ERC2: variants seen among roughly 807,000 people sequenced by gnomAD.
The protein encoded by ERC2 is ERC protein 2.
Under a neutral mutation model 114.8 loss-of-function variants are expected in ERC2, and 42 were observed. That is an observed-to-expected ratio of 0.37 (90% CI 0.29 to 0.47). The LOEUF is 0.47. Ranked by LOEUF, ERC2 falls within the 20% of genes least tolerant of loss-of-function variation. The probability of loss-of-function intolerance (pLI) is 0.99; values close to 1 mark genes in which losing one functional copy is unlikely to be tolerated. For synonymous variants in ERC2, 454 were observed against 425.5 expected (o/e 1.07, Z -0.82); for missense variants, 939 against 1,150.7 (o/e 0.82, Z 2.66).
chr3:55,726,167 G>C (rs1262210088), intron 15 of ERC2, among the ~76,000 whole-genome samples: 1 of 152,178 alleles, frequency 6.6e-6, no homozygotes, highest in Non-Finnish European at 1.5e-5. Context: ...ACCCAAAGTG[G>C]GTCTGCTGTA....
chr3:56,170,878 C>T (rs182964888), intron 4 of ERC2, among the ~76,000 whole-genome samples: 117 of 151,362 alleles, frequency 7.7e-4, no homozygotes, highest in African/African-American at 2.7e-3. Context: ...CATTGTCCTG[C>T]CTCAGCCTCC....
At chr3:56,386,748 A>G (rs2059947533) in intron 2 of ERC2, among the ~76,000 whole-genome samples, 1 of 152,156 alleles carries the variant, frequency 6.6e-6, no homozygotes, top group Non-Finnish European at 1.5e-5. Context: ...CACTACTGCT[A>G]CTGAAAATGA....
At chr3:56,093,472 T>TATAA (rs2077898683) in intron 6 of ERC2, among the ~76,000 whole-genome samples, 1 of 152,056 alleles carries the variant, frequency 6.6e-6, no homozygotes, top group South Asian at 2.1e-4. Context: ...TCATCAGCAC[T>TATAA]ATAAATAAAA....
At chr3:55,813,331 T>C (rs552988081) in intron 14 of ERC2, among the ~76,000 whole-genome samples, 10 of 152,314 alleles carry the variant, frequency 6.6e-5, no homozygotes, top group African/African-American at 2.2e-4. Context: ...ACCAGCCATA[T>C]TGCAAGCACT....
intron 13 of ERC2, among the ~76,000 whole-genome samples, chr3:55,938,572 C>T (rs2066594351): frequency 6.6e-6 from 1 of 152,236 alleles, no homozygotes; most frequent in Non-Finnish European, 1.5e-5. Context: ...TCAGAAATCA[C>T]AGGCCCATGT....
At chr3:56,361,307 C>T (rs1340961302) in intron 2 of ERC2, among the ~76,000 whole-genome samples, 2 of 152,080 alleles carry the variant, frequency 1.3e-5, no homozygotes, top group African/African-American at 4.8e-5. Context: ...CCAAGTCTGA[C>T]ATGAAACATG....
chr3:55,599,528 T>G (rs1211349044), intron 17 of ERC2, among the ~76,000 whole-genome samples: 3 of 152,218 alleles, frequency 2.0e-5, no homozygotes, highest in African/African-American at 7.2e-5. Flanking sequence ...GTGTGTGTGT[T>G]TGTGTTTTTG....
At chr3:55,771,558 T>G (rs1559629041) in intron 14 of ERC2, among the ~76,000 whole-genome samples, 1 of 152,188 alleles carries the variant, frequency 6.6e-6, no homozygotes, top group African/African-American at 2.4e-5. Context: ...TTGTGACTTG[T>G]TCGTGGTGGA....
intron 17 of ERC2, among the ~76,000 whole-genome samples, chr3:55,561,339 C>G (rs1174733578): frequency 6.6e-6 from 1 of 152,000 alleles, no homozygotes; most frequent in African/African-American, 2.4e-5. Context: ...GTTTTCATAT[C>G]TACTTTTTGG....
chr3:56,347,898 T>C (rs143065466), intron 2 of ERC2, among the ~76,000 whole-genome samples: 50 of 152,308 alleles, frequency 3.3e-4, no homozygotes, highest in African/African-American at 1.2e-3. Flanking sequence ...TAATTTTAAA[T>C]ATTAAATGCT....
intron 14 of ERC2, among the ~76,000 whole-genome samples, chr3:55,832,442 C>G (rs908762517): frequency 2.0e-5 from 3 of 152,238 alleles, no homozygotes; most frequent in African/African-American, 7.2e-5. Context: ...GCAGCATTCA[C>G]GGTTCACGAA....
intron 17 of ERC2, among the ~76,000 whole-genome samples, chr3:55,564,729 A>C (rs61412919): frequency 0.012 from 1,781 of 152,334 alleles, 34 homozygotes; most frequent in African/African-American, 0.04. Flanking sequence ...AGAAGTGTCC[A>C]CAGAAAGACC....
intron 4 of ERC2, among the ~76,000 whole-genome samples, chr3:56,170,601 T>TG (rs747777983): frequency 0.013 from 1,810 of 143,576 alleles, 81 homozygotes; most frequent in East Asian, 0.03. Context: ...TTTTTTTTTT[T>TG]TTTTTTTTTT....
At chr3:56,114,538 AG>A (rs1045658755) in intron 6 of ERC2, among the ~76,000 whole-genome samples, 3 of 152,256 alleles carry the variant, frequency 2.0e-5, no homozygotes, top group Admixed American at 1.3e-4. Context: ...TTTAGCCAAG[AG>A]GGGGTTCCAT....
chr3:55,866,287 A>G (rs1188868781), intron 14 of ERC2, among the ~76,000 whole-genome samples: 1 of 152,168 alleles, frequency 6.6e-6, no homozygotes, highest in African/African-American at 2.4e-5. Flanking sequence ...TCCCTTGCCC[A>G]TTATAAAATA....
intron 14 of ERC2, among the ~76,000 whole-genome samples, chr3:55,832,281 C>G (rs1011951632): frequency 7.2e-5 from 11 of 152,236 alleles, no homozygotes; most frequent in African/African-American, 2.7e-4. Context: ...AGCTGGAGAT[C>G]TGAGAACAGG....
chr3:56,345,570 A>G (rs2058273316), intron 2 of ERC2, among the ~76,000 whole-genome samples: 1 of 152,238 alleles, frequency 6.6e-6, no homozygotes, highest in East Asian at 1.9e-4. Flanking sequence ...TGCCTACTTC[A>G]AAAATAATGA....
At chr3:55,794,974 T>A (rs572643850) in intron 14 of ERC2, among the ~76,000 whole-genome samples, 1 of 152,192 alleles carries the variant, frequency 6.6e-6, no homozygotes, top group Non-Finnish European at 1.5e-5. Flanking sequence ...AGGTAATACA[T>A]AGGAAATAAA....
rs544402878 is a variant in ERC2, at chr3:55,894,990, C to G, written c.2404-6441G>C. 3.0e-4 allele frequency among the ~76,000 whole-genome samples: 46 copies of G among 152,334 alleles called. No homozygotes were observed. The South Asian group carries it at 9.3e-3, about 31-fold the overall frequency. ...ATACACATGCACATATACCCCTGGACTGCCCTACATTCACTCCTCTGCTTA... is the reference window on the plus strand; with the variant it reads ...ATACACATGCACATATACCCCTGGAGTGCCCTACATTCACTCCTCTGCTTA... On this transcript the variant is annotated intron_variant, in intron 13 of 17. Coordinates refer to ENST00000288221, the MANE Select transcript of ERC2 (RefSeq NM_015576.3).
Sources: gnomAD v4.1 joint callset for allele counts (sites outside exome capture counted in the v4.1 genomes callset) on GRCh38, gnomAD v4.1.1 for gene constraint, MANE v1.5 for transcripts, NCBI Gene and HGNC (gene_info 2026-07-23, HGNC 2026-07-21) for gene names.